The following KANK1 variants were observed in gnomAD, a reference collection of about 807,000 sequenced individuals.
KANK1 encodes the protein KN motif and ankyrin repeat domains 1.
In KANK1, 109 loss-of-function variants were observed where a neutral mutation model predicts 106.2. That is an observed-to-expected ratio of 1.03 (90% CI 0.88 to 1.20). The LOEUF (loss-of-function observed/expected upper bound fraction) is 1.20. KANK1 is among the 50% of genes most tolerant of loss of function. KANK1 has a pLI of 0.00. For missense variants in KANK1, 2,399 were observed against 1,710.7 expected (o/e 1.40, Z -7.10); for synonymous variants, 873 against 652.2 (o/e 1.34, Z -5.16).
At chr9:638,026 C>T (rs969754901) in intron 1 of KANK1, among the ~76,000 whole-genome samples, 2 of 152,150 alleles carry the variant, frequency 1.3e-5, no homozygotes, top group Non-Finnish European at 2.9e-5. Flanking sequence ...GTAGAAGTGC[C>T]AGGCATCACA....
At chr9:598,621 T>C (rs2804292) in intron 1 of KANK1, among the ~76,000 whole-genome samples, 1 of 20,818 alleles carries the variant, frequency 4.8e-5, no homozygotes, top group African/African-American at 4.4e-4. Flanking sequence ...GTTGGTTTTC[T>C]TTTTTTTTTT....
intron 1 of KANK1, among the ~76,000 whole-genome samples, chr9:538,103 G>A (rs1006581663): frequency 2.0e-5 from 3 of 151,820 alleles, no homozygotes; most frequent in Non-Finnish European, 4.4e-5. Flanking sequence ...GTAGAGCTGT[G>A]GCAGAATCAA....
chr9:707,419 C>T (rs892190469), intron 2 of KANK1, among the ~76,000 whole-genome samples: 1 of 152,270 alleles, frequency 6.6e-6, no homozygotes, highest in African/African-American at 2.4e-5. Context: ...CCGGGAGGCC[C>T]GGATCAGCCT....
chr9:744,179 C>A (rs1014166012), intron 10 of KANK1, among the ~76,000 whole-genome samples: 17 of 125,644 alleles, frequency 1.4e-4, no homozygotes, highest in Non-Finnish European at 1.7e-4. Flanking sequence ...CTTGCCTGGT[C>A]ATTCATAATT....
chr9:603,759 C>T (rs1828363591), intron 1 of KANK1, among the ~76,000 whole-genome samples: 2 of 151,406 alleles, frequency 1.3e-5, no homozygotes, highest in South Asian at 4.2e-4. Context: ...AGTCCGAGAC[C>T]AGTCTGGCCA....
chr9:533,114 C>T (rs893436210), intron 1 of KANK1, among the ~76,000 whole-genome samples: 1 of 152,102 alleles, frequency 6.6e-6, no homozygotes. Context: ...GACTTATTGC[C>T]AGTCAGAGGC....
chr9:722,375 T>G (rs983634647), intron 3 of KANK1, among the ~76,000 whole-genome samples: 2 of 152,152 alleles, frequency 1.3e-5, no homozygotes, highest in African/African-American at 4.8e-5. Context: ...CTCTCATATC[T>G]GGACCCATCC....
chr9:518,208 C>CA (rs2059379167), intron 1 of KANK1, among the ~76,000 whole-genome samples: 1 of 151,830 alleles, frequency 6.6e-6, no homozygotes, highest in Admixed American at 6.6e-5. Flanking sequence ...GGGAACTTTT[C>CA]AAAAGAAGTG....
At chr9:723,730 A>G (rs1476891455) in intron 3 of KANK1, among the ~76,000 whole-genome samples, 1 of 152,164 alleles carries the variant, frequency 6.6e-6, no homozygotes, top group Non-Finnish European at 1.5e-5. Flanking sequence ...AAGACTTTAA[A>G]ATAATAGCAA....
At chr9:721,715 C>G (rs183219821) in intron 3 of KANK1, among the ~76,000 whole-genome samples, 32 of 152,324 alleles carry the variant, frequency 2.1e-4, no homozygotes, top group Non-Finnish European at 3.7e-4. Context: ...GTTGGTTCTA[C>G]AGGGACTCCT....
At chr9:726,701 T>A (rs1430954731) in intron 3 of KANK1, among the ~76,000 whole-genome samples, 1 of 152,018 alleles carries the variant, frequency 6.6e-6, no homozygotes, top group Non-Finnish European at 1.5e-5. Context: ...GGCTCATGCC[T>A]ATAATCCCAA....
At chr9:656,202 A>G (rs991160447) in intron 1 of KANK1, among the ~76,000 whole-genome samples, 2 of 152,170 alleles carry the variant, frequency 1.3e-5, no homozygotes, top group Non-Finnish European at 2.9e-5. Flanking sequence ...GGCAGGTCCC[A>G]CAGTCTGGCG....
At chr9:473,236 G>C (rs1209802879) in exon 3 of KANK1, 1 of 152,198 alleles carries the variant, frequency 6.6e-6, no homozygotes, top group Non-Finnish European at 1.5e-5. Context: ...TCGTACCACT[G>C]CTCCTCACTC....
intron 1 of KANK1, among the ~76,000 whole-genome samples, chr9:575,860 T>G (rs1820413023): frequency 6.6e-6 from 1 of 152,136 alleles, no homozygotes; most frequent in African/African-American, 2.4e-5. Context: ...CTGTCTCTAT[T>G]AAAAATACAA....
intron 2 of KANK1, among the ~76,000 whole-genome samples, chr9:704,141 A>C (rs912624730): frequency 1.3e-5 from 2 of 152,242 alleles, no homozygotes; most frequent in Non-Finnish European, 2.9e-5. Context: ...TTGAGAGGGA[A>C]AGGGGGAAGA....
intron 3 of KANK1, among the ~76,000 whole-genome samples, chr9:480,037 G>C (rs2058176645): frequency 6.6e-6 from 1 of 152,118 alleles, no homozygotes; most frequent in African/African-American, 2.4e-5. Flanking sequence ...ATCAAAACTA[G>C]AATCAAAAAC....
chr9:526,340 T>C (rs1293542207), intron 1 of KANK1, among the ~76,000 whole-genome samples: 2 of 151,716 alleles, frequency 1.3e-5, no homozygotes, highest in Admixed American at 6.6e-5. Flanking sequence ...ATTTGAAATA[T>C]GGCTTTTATT....
In KANK1 at chr9:676,987, A is replaced by G. The variant is rs1816541675; in HGVS notation, c.15A>G (p.Thr5=). The change falls in exon 2 of 12, where the codon ACA becomes ACG. Residue 5 remains threonine, a synonymous_variant. Coordinates refer to ENST00000382297, the MANE Select transcript of KANK1 (RefSeq NM_015158.5). ...CTCAAGCCAGCATGGCTCACACCAC[A>G]AAGGTTAACGGCAGTGCCTCAGGTA... MAHT[T]KVNGSASGKA... is the part of the protein sequence containing the mutation. 1.9e-6 allele frequency: 3 copies of G among 1,613,900 alleles called. No individual in the cohort carries two copies. Among genetic ancestry groups the G allele is most frequent in the Non-Finnish European group, 2.5e-6 (3 of 1,179,888 alleles).
intron 3 of KANK1, among the ~76,000 whole-genome samples, chr9:724,187 G>A (rs1830092302): frequency 6.6e-6 from 1 of 152,100 alleles, no homozygotes; most frequent in Non-Finnish European, 1.5e-5. Flanking sequence ...GATAGTTTTA[G>A]CCTCAATGGT....
Sources: allele counts gnomAD v4.1 joint callset (sites outside exome capture counted in the v4.1 genomes callset), GRCh38; gene constraint gnomAD v4.1.1; transcripts MANE v1.5; gene names NCBI Gene and HGNC (gene_info 2026-07-23, HGNC 2026-07-21).